The following MED29 variants were observed in gnomAD, a reference collection of about 807,000 sequenced individuals.
MED29 encodes the protein mediator of RNA polymerase II transcription subunit 29.
In MED29, 14 loss-of-function variants were observed where a neutral mutation model predicts 22.0. The ratio of observed to expected loss-of-function variants is 0.64; its 90% CI spans 0.42 to 0.99. The LOEUF is 0.99. Ranked by LOEUF, MED29 falls within the 50% of genes least tolerant of loss-of-function variation. The probability of loss-of-function intolerance (pLI) is 0.00; values close to 1 mark genes in which losing one functional copy is unlikely to be tolerated. For synonymous variants in MED29, 123 were observed against 107.8 expected (o/e 1.14, Z -0.87); for missense variants, 241 against 253.7 (o/e 0.95, Z 0.34).
In MED29 at chr19:39,400,580, G is replaced by A. The variant is rs34947393; in HGVS notation, c.*2881G>A. ...AGAACTTAAGTTGGATTGTGGTTTCGTGAGCATTCATTATGGTTTATATAT... is the reference window on the plus strand; with the variant it reads ...AGAACTTAAGTTGGATTGTGGTTTCATGAGCATTCATTATGGTTTATATAT... On this transcript the variant is annotated 3_prime_UTR_variant, in exon 4 of 4. Transcript: ENST00000315588. 2.0e-5 allele frequency: 3 copies of A among 152,160 alleles called. No homozygotes were observed. The highest frequency in any genetic ancestry group is 6.5e-5 in the Admixed American group (1 of 15,276). 9.4% of individuals were successfully genotyped at this position (152,160 alleles called of 1,614,324 possible).
chr19:39,391,693 G>C, intron 1 of MED29, 55 bp downstream of exon 1: 5 of 1,512,982 alleles, frequency 3.3e-6, no homozygotes, highest in Non-Finnish European at 4.4e-6. Context: ...TAGAGGGGCA[G>C]GCCGAGGGCC....
chr19:39,392,658 C>T, intron 2 of MED29, 136 bp downstream of exon 2: 1 of 691,892 alleles, frequency 1.4e-6, no homozygotes, highest in Non-Finnish European at 2.3e-6. Flanking sequence ...ACAGGGTCTC[C>T]CTCTGTCACC....
intron 3 of MED29, among the ~76,000 whole-genome samples, chr19:39,396,578 T>A (rs1358780087): frequency 1.3e-5 from 2 of 151,630 alleles, no homozygotes; most frequent in Admixed American, 1.3e-4. Context: ...ATACAAAAAT[T>A]AGCCAGGCTT....
chr19:39,394,364 C>T (rs1354646856), intron 3 of MED29, among the ~76,000 whole-genome samples: 1 of 151,974 alleles, frequency 6.6e-6, no homozygotes, highest in Non-Finnish European at 1.5e-5. Context: ...CAGTTTCAAG[C>T]GATTCTGGTG....
rs142198224 is a variant in MED29, at chr19:39,393,081, C to CTTTTTTTTTTTTTTTTTTTT, written c.276-459_276-440dup. ...TTTTCTTTCTTTCTTTCTTTCTTTT[C>CTTTTTTTTTTTTTTTTTTTT]TTTTTTTTTTTTTTTTTTTTTTTTT... On this transcript the variant is annotated intron_variant, in intron 2 of 3. Coordinates refer to ENST00000315588, the MANE Select transcript of MED29 (RefSeq NM_017592.4). 1.2e-3 allele frequency among the ~76,000 whole-genome samples: 40 copies of CTTTTTTTTTTTTTTTTTTTT among 34,708 alleles called. 1 individual carries two copies. Among genetic ancestry groups the CTTTTTTTTTTTTTTTTTTTT allele is most frequent in the South Asian group, 2.7e-3 (2 of 746 alleles). 22.8% of individuals were successfully genotyped at this position (34,708 alleles called of 152,430 possible).
At chr19:39,397,314 A>T (rs2078433759) in intron 3 of MED29, 143 bp from the exon 4 acceptor site, 1 of 878,768 alleles carries the variant, frequency 1.1e-6, no homozygotes, top group African/African-American at 1.7e-5. Context: ...CAGGTTCCCC[A>T]GCAAATGACT....
intron 1 of MED29, 109 bp downstream of exon 1, chr19:39,391,747 T>G (rs961406346): frequency 1.3e-5 from 17 of 1,350,512 alleles, no homozygotes; most frequent in Non-Finnish European, 1.6e-5. Context: ...GAATAGAACC[T>G]GCTGTTTTGG....
At chr19:39,396,411 G>C (rs1181385264) in intron 3 of MED29, among the ~76,000 whole-genome samples, 14 of 151,926 alleles carry the variant, frequency 9.2e-5, no homozygotes, top group Admixed American at 3.3e-4. Flanking sequence ...CTCCAGCCTG[G>C]GTAACAGAGC....
rs1456697847 is a variant in MED29 at position 39,391,584 on chromosome 19, C to T, written c.162C>T (p.Phe54=). 2 of 1,612,886 alleles carry T rather than the reference C, an allele frequency of 1.2e-6. No homozygotes were observed. The highest frequency in any genetic ancestry group is 2.2e-5 in the East Asian group (1 of 44,874). Reference sequence around the variant, plus strand: ...TCCTGCAGCAACAGCAACAGGACTTCGATCCTGTGCAGCGTTATAAGATGC... The same window carrying T: ...TCCTGCAGCAACAGCAACAGGACTTTGATCCTGTGCAGCGTTATAAGATGC... ...SGLLQQQQQD[F]DPVQRYKMLI... Residue 54 remains phenylalanine (F), a synonymous_variant, in exon 1 of 4, where the codon TTC becomes TTT. Transcript: ENST00000315588.
At chr19:39,393,730 G>A in intron 3 of MED29, 93 bp downstream of exon 3, 1 of 1,069,374 alleles carries the variant, frequency 9.4e-7, no homozygotes, top group South Asian at 1.3e-5. Flanking sequence ...CACTCAACTG[G>A]GGACCTCCTG....
rs1568378163 is a variant in MED29, at chr19:39,393,077, T to C, written c.276-476T>C. ...TTCCTTTTCTTTCTTTCTTTCTTTCTTTTCTTTTTTTTTTTTTTTTTTTTT... is the reference window on the plus strand; with the variant it reads ...TTCCTTTTCTTTCTTTCTTTCTTTCCTTTCTTTTTTTTTTTTTTTTTTTTT... On this transcript the variant is annotated intron_variant, in intron 2 of 3. Coordinates refer to ENST00000315588, the MANE Select transcript of MED29 (RefSeq NM_017592.4). Among the ~76,000 whole-genome samples the C allele has an allele frequency of 2.7e-3, 214 of 78,818 alleles. 1 individual carries two copies. Among genetic ancestry groups the C allele is most frequent in the Non-Finnish European group, 3.6e-3 (156 of 43,282 alleles). The allele number at this position is 78,818 out of a possible 152,430, so 51.7% of individuals were successfully genotyped here. A position where few individuals can be genotyped will look rare whatever the true frequency, so the allele number is the denominator to read the frequency against.
At chr19:39,397,320 TGACTGGC>T (rs2078433792) in intron 3 of MED29, 130 bp from the exon 4 acceptor site, 2 of 916,670 alleles carry the variant, frequency 2.2e-6, no homozygotes, top group African/African-American at 3.3e-5. Flanking sequence ...CCCCAGCAAA[TGACTGGC>T]AGGGCCAACC....
chr19:39,397,493 A>G lies in MED29; in HGVS notation c.397A>G (p.Ser133Gly), dbSNP rs1428062457. 6.2e-7 allele frequency: 1 copy of G among 1,609,970 alleles called. No homozygotes were observed. The highest frequency in any genetic ancestry group is 8.5e-7 in the Non-Finnish European group (1 of 1,179,998). ...TGAGTGCCTGTCACAGAGTTGTGAC[A>G]GTGCCAAGCACTCTCCAACGTTGGT... ...AHECLSQSCD[S>G]AKHSPTLVPT... is the part of the protein sequence containing the mutation. Residue 133 changes from serine to glycine, a missense_variant, in exon 4 of 4, where the codon AGT (serine) becomes GGT (glycine). Transcript: ENST00000315588.
At position 39,397,037 on chromosome 19, in the gene MED29, A is replaced by AAAAAG. The variant is rs1555728804; in HGVS notation, c.361-417_361-416insAGAAA. 6.4e-3 allele frequency among the ~76,000 whole-genome samples: 968 copies of AAAAAG among 150,756 alleles called. 10 individuals carry two copies. The highest frequency in any genetic ancestry group is 0.022 in the African/African-American group (891 of 40,840). ...AACCGAAACTCCATCTCAAAAAAAAAAAAGAAAGTAGTACCTAGAGCAGCC... is the reference window on the plus strand; with the variant it reads ...AACCGAAACTCCATCTCAAAAAAAAAAAAAGAAAGAAAGTAGTACCTAGAGCAGCC... On this transcript the variant is annotated intron_variant, in intron 3 of 3. Transcript: ENST00000315588.
At chr19:39,394,564 T>A (rs1288309917) in intron 3 of MED29, among the ~76,000 whole-genome samples, 9 of 134,886 alleles carry the variant, frequency 6.7e-5, no homozygotes, top group African/African-American at 2.5e-4. Flanking sequence ...GCCTTTTTTT[T>A]TTTTTTTTTT....
At chr19:39,393,081 C>CTTT (rs142198224) in intron 2 of MED29, among the ~76,000 whole-genome samples, 102 of 34,692 alleles carry the variant, frequency 2.9e-3, no homozygotes, top group East Asian at 5.4e-3. Flanking sequence ...TCTTTCTTTT[C>CTTT]TTTTTTTTTT....
Position 39,397,989 on chromosome 19 carries a change from G to C in MED29, c.*290G>C, listed in dbSNP as rs547322192. 3.6e-6 allele frequency: 2 copies of C among 550,318 alleles called. No individual in the cohort carries two copies. The highest frequency in any genetic ancestry group is 2.9e-5 in the East Asian group (1 of 34,792). 34.1% of individuals were successfully genotyped at this position (550,318 alleles called of 1,614,324 possible). ...ATTCTTGCCTGGGTGTGGAGCCCTG[G>C]CTGTCCCCTCTCCCTCAGTCCTTCC... On this transcript the variant is annotated 3_prime_UTR_variant, in exon 4 of 4. Coordinates refer to ENST00000315588, the MANE Select transcript of MED29 (RefSeq NM_017592.4).
intron 3 of MED29, among the ~76,000 whole-genome samples, chr19:39,395,927 AAG>A (rs1491113442): frequency 6.6e-6 from 1 of 151,424 alleles, no homozygotes; most frequent in Non-Finnish European, 1.5e-5. Flanking sequence ...AAAAAAAAAA[AAG>A]GAGGACTGTC....
chr19:39,398,614 G>A lies in MED29; in HGVS notation c.*915G>A, dbSNP rs1217557701. The A allele has an allele frequency of 6.6e-6, 1 of 152,610 alleles. No homozygotes were observed. The highest frequency in any genetic ancestry group is 1.5e-5 in the Non-Finnish European group (1 of 68,074). 9.5% of individuals were successfully genotyped at this position (152,610 alleles called of 1,614,324 possible). A position where few individuals can be genotyped will look rare whatever the true frequency, so the allele number is the denominator to read the frequency against. ...GCCCCAGCTCCGGGAAGCAGGCACTGGGGAGGGGGCTTCAAGGAGGGAGTG... is the reference window on the plus strand; with the variant it reads ...GCCCCAGCTCCGGGAAGCAGGCACTAGGGAGGGGGCTTCAAGGAGGGAGTG... On this transcript the variant is annotated 3_prime_UTR_variant, in exon 4 of 4. Coordinates refer to ENST00000315588, the MANE Select transcript of MED29 (RefSeq NM_017592.4).
Sources: gnomAD v4.1 joint callset for allele counts (sites outside exome capture counted in the v4.1 genomes callset) on GRCh38, gnomAD v4.1.1 for gene constraint, MANE v1.5 for transcripts, NCBI Gene and HGNC (gene_info 2026-07-23, HGNC 2026-07-21) for gene names.